The following EPC1 variants were observed in gnomAD, a reference collection of about 807,000 sequenced individuals.
The protein encoded by EPC1 is enhancer of polycomb 1, also known as enhancer of polycomb homolog 1.
Under a neutral mutation model 98.4 loss-of-function variants are expected in EPC1, and 12 were observed. The ratio of observed to expected loss-of-function variants is 0.12; its 90% confidence interval spans 0.08 to 0.20. The LOEUF is 0.20. Ranked by LOEUF, EPC1 falls within the 10% of genes least tolerant of loss-of-function variation. The pLI, the probability that EPC1 is intolerant of heterozygous loss-of-function variation, is 1.00. For missense variants in EPC1, 729 were observed against 990.5 expected (o/e 0.74, Z 3.54); for synonymous variants, 357 against 363.9 (o/e 0.98, Z 0.21).
At chr10:32,329,026 T>C (rs1440792594) in intron 1 of EPC1, among the ~76,000 whole-genome samples, 2 of 152,236 alleles carry the variant, frequency 1.3e-5, no homozygotes, top group Admixed American at 6.5e-5. Flanking sequence ...GTATTTTCTC[T>C]GTGAGAAGAA....
intron 1 of EPC1, among the ~76,000 whole-genome samples, chr10:32,340,298 T>C (rs1359616712): frequency 6.6e-6 from 1 of 152,224 alleles, no homozygotes; most frequent in Admixed American, 6.5e-5. Context: ...CATATTATAG[T>C]AGATGTAATA....
intron 1 of EPC1, among the ~76,000 whole-genome samples, chr10:32,318,424 G>A (rs866640209): frequency 1.3e-5 from 2 of 152,160 alleles, no homozygotes; most frequent in Non-Finnish European, 2.9e-5. Context: ...CTTAGCCCTT[G>A]TATATACGCA....
chr10:32,286,429 A>G (rs1836682302), intron 9 of EPC1: 4 of 471,840 alleles, frequency 8.5e-6, no homozygotes, highest in African/African-American at 1.9e-5. Context: ...CTTTCTCACA[A>G]TTCTACCCCT....
At chr10:32,373,641 T>C (rs1309232069) in intron 1 of EPC1, among the ~76,000 whole-genome samples, 3 of 152,190 alleles carry the variant, frequency 2.0e-5, no homozygotes, top group Non-Finnish European at 4.4e-5. Context: ...AAGGATTTCT[T>C]CCTTTACAAC....
At chr10:32,294,839 A>G (rs768742855) in intron 2 of EPC1, among the ~76,000 whole-genome samples, 9 of 151,750 alleles carry the variant, frequency 5.9e-5, no homozygotes, top group African/African-American at 1.7e-4. Context: ...CTTTTTTCCT[A>G]TTCTCTCCAG....
upstream of EPC1, among the ~76,000 whole-genome samples, chr10:32,351,092 A>C (rs1479646235): frequency 6.6e-6 from 1 of 152,152 alleles, no homozygotes; most frequent in Non-Finnish European, 1.5e-5. Flanking sequence ...GTGGTAACCA[A>C]AAGTGGAAGC....
chr10:32,277,084 G>A (rs1294035830), intron 10 of EPC1, among the ~76,000 whole-genome samples: 2 of 152,252 alleles, frequency 1.3e-5, no homozygotes, highest in East Asian at 3.9e-4. Flanking sequence ...CCAAAGCAAT[G>A]AGATTTTAAA....
chr10:32,361,629 C>A (rs1394736694), intron 1 of EPC1, among the ~76,000 whole-genome samples: 1 of 152,104 alleles, frequency 6.6e-6, no homozygotes, highest in Non-Finnish European at 1.5e-5. Flanking sequence ...TCACCAGACA[C>A]CCCCTATGGG....
chr10:32,288,632 T>C (rs987546280), intron 6 of EPC1, among the ~76,000 whole-genome samples: 1 of 152,130 alleles, frequency 6.6e-6, no homozygotes, highest in Non-Finnish European at 1.5e-5. Flanking sequence ...ATTATAGGCA[T>C]GAGCTGCTGC....
rs186386411 is a variant in EPC1, at chr10:32,371,191, G to T, written c.3+7300C>A. Reference sequence around the variant, plus strand: ...GCAAAGCAATTAAACTCTTGGAAATGGTCCTCTTCATTCTTTGGCATGTTG... The same window carrying T: ...GCAAAGCAATTAAACTCTTGGAAATTGTCCTCTTCATTCTTTGGCATGTTG... On this transcript the variant is annotated intron_variant, in intron 1 of 13. Transcript: ENST00000375110. Among the ~76,000 whole-genome samples, 16 of 152,324 alleles carry T rather than the reference G, an allele frequency of 1.1e-4. No individual in the cohort carries two copies. In the East Asian group the frequency reaches 2.7e-3, roughly 26 times the overall value.
chr10:32,307,494 A>G (rs1365303769), intron 1 of EPC1, among the ~76,000 whole-genome samples: 1 of 152,138 alleles, frequency 6.6e-6, no homozygotes. Flanking sequence ...TTTCTTTCAA[A>G]TGTTGCTCTT....
intron 1 of EPC1, among the ~76,000 whole-genome samples, chr10:32,329,414 C>T (rs1319889557): frequency 1.3e-5 from 2 of 152,178 alleles, no homozygotes; most frequent in Non-Finnish European, 2.9e-5. Flanking sequence ...ATGTTTATAG[C>T]CCAACCATAC....
chr10:32,270,757 G>A (rs1835799811), intron 13 of EPC1, among the ~76,000 whole-genome samples: 1 of 139,800 alleles, frequency 7.2e-6, no homozygotes, highest in Admixed American at 7.8e-5. Flanking sequence ...GGGAGGCAGA[G>A]ATTGCAGTGA....
chr10:32,297,652 G>A, intron 2 of EPC1, among the ~76,000 whole-genome samples: 1 of 151,964 alleles, frequency 6.6e-6, no homozygotes, highest in Non-Finnish European at 1.5e-5. Flanking sequence ...TATTCTGATA[G>A]GAATAAACCC....
intron 13 of EPC1, 111 bp downstream of exon 13, chr10:32,271,443 A>G: frequency 8.3e-7 from 1 of 1,207,090 alleles, no homozygotes; most frequent in Non-Finnish European, 1.2e-6. Context: ...TACATTTTCA[A>G]TGTATAAAAG....
chr10:32,297,534 G>A (rs975711931), intron 2 of EPC1, among the ~76,000 whole-genome samples: 1 of 151,830 alleles, frequency 6.6e-6, no homozygotes, highest in Non-Finnish European at 1.5e-5. Context: ...TGATCTGCCC[G>A]CCTTGGCCTC....
chr10:32,323,740 T>C (rs1219953151), intron 1 of EPC1, among the ~76,000 whole-genome samples: 2 of 152,312 alleles, frequency 1.3e-5, no homozygotes, highest in Non-Finnish European at 2.9e-5. Context: ...GCATGGTCCC[T>C]AGCATACACA....
intron 10 of EPC1, among the ~76,000 whole-genome samples, chr10:32,276,618 A>G (rs909958453): frequency 2.6e-5 from 4 of 152,256 alleles, no homozygotes; most frequent in Non-Finnish European, 5.9e-5. Flanking sequence ...TCTGAGAAAT[A>G]AAGTTCAATT....
Position 32,284,880 on chromosome 10 carries a change from A to C in EPC1, c.1562T>G (p.Ile521Ser), listed in dbSNP as rs372760418. Residue 521 changes from isoleucine to serine, a missense_variant, in exon 10 of 14, where the codon ATC becomes AGC. Transcript: ENST00000319778. The part of the protein sequence containing the change: ...SKDLSQILVN[I>S]KSCRWRHFRP... ...AAAATGCCGCCATCTACATGATTTG[A>C]TATTGACTAGTATCTGACTGAGGTC... 7.4e-6 allele frequency: 12 copies of C among 1,614,064 alleles called. No homozygotes were observed. Among genetic ancestry groups the C allele is most frequent in the African/African-American group, 4.0e-5 (3 of 74,922 alleles).
Sources: allele counts gnomAD v4.1 joint callset (sites outside exome capture counted in the v4.1 genomes callset), GRCh38; gene constraint gnomAD v4.1.1; transcripts MANE v1.5; gene names NCBI Gene and HGNC (gene_info 2026-07-23, HGNC 2026-07-21).